The following HLA-DRB5 variants were observed in gnomAD, a reference collection of about 807,000 sequenced individuals.
The protein encoded by HLA-DRB5 is DR beta-5.
In HLA-DRB5, 11 loss-of-function variants were observed where a neutral mutation model predicts 22.4. The ratio of observed to expected loss-of-function variants is 0.49; its 90% confidence interval spans 0.31 to 0.81. HLA-DRB5 has a LOEUF of 0.81. Ranked by LOEUF, HLA-DRB5 falls within the 40% of genes least tolerant of loss-of-function variation. HLA-DRB5 has a pLI of 0.05. For missense variants in HLA-DRB5, 106 were observed against 274.4 expected (o/e 0.39, Z 4.34); for synonymous variants, 57 against 106.0 (o/e 0.54, Z 2.84).
At chr6:32,524,793 C>G (rs113974887) in intron 1 of HLA-DRB5, among the ~76,000 whole-genome samples, 32 of 64,416 alleles carry the variant, frequency 5.0e-4, no homozygotes, top group African/African-American at 6.2e-4. Context: ...CTCATGTGTC[C>G]CACTTAGGGT....
chr6:32,523,770 ACC>A (rs1175498466), intron 1 of HLA-DRB5, among the ~76,000 whole-genome samples: 6,440 of 50,814 alleles, frequency 0.13, 34 homozygotes, highest in African/African-American at 0.16. Flanking sequence ...GCAAAAATAA[ACC>A]ATAAAGAACT....
At chr6:32,528,079 GC>G (rs1769823617) in intron 1 of HLA-DRB5, among the ~76,000 whole-genome samples, 1 of 33,820 alleles carries the variant, frequency 3.0e-5, no homozygotes, top group African/African-American at 1.1e-4. Context: ...CCACACCAGG[GC>G]TTCCCCCCCA....
intron 2 of HLA-DRB5, among the ~76,000 whole-genome samples, chr6:32,520,078 G>A (rs367983934): frequency 0.017 from 624 of 36,870 alleles, 130 homozygotes; most frequent in South Asian, 0.022. Context: ...TTACCTCTTG[G>A]GGTTATATGA....
intron 2 of HLA-DRB5, among the ~76,000 whole-genome samples, chr6:32,519,864 T>C (rs560706382): frequency 0.061 from 5,217 of 85,642 alleles, 13 homozygotes; most frequent in Admixed American, 0.098. Context: ...TTGTGTTTGT[T>C]TCTTCATCAC....
intron 1 of HLA-DRB5, among the ~76,000 whole-genome samples, chr6:32,524,369 G>A (rs78135308): frequency 0.77 from 80,702 of 104,394 alleles, 34,829 homozygotes; most frequent in Middle Eastern, 0.85. Context: ...ATCTGTAGTA[G>A]TGAATCACAA....
At chr6:32,519,896 A>C (rs565139465) in intron 2 of HLA-DRB5, among the ~76,000 whole-genome samples, 1 of 97,802 alleles carries the variant, frequency 1.0e-5, no homozygotes, top group Non-Finnish European at 2.2e-5. Flanking sequence ...ATGCATTGTC[A>C]AAGTGTTTAC....
At chr6:32,528,340 A>T in intron 1 of HLA-DRB5, among the ~76,000 whole-genome samples, 3 of 13,832 alleles carry the variant, frequency 2.2e-4, no homozygotes, top group South Asian at 1.2e-3. Context: ...TAACCTTGAG[A>T]GTCGGGACCC....
intron 4 of HLA-DRB5, among the ~76,000 whole-genome samples, 181 bp from the exon 5 acceptor site, chr6:32,518,258 C>T (rs1347139694): frequency 0.011 from 592 of 54,100 alleles, no homozygotes; most frequent in East Asian, 0.015. Flanking sequence ...ATGTCTGTCA[C>T]AGGATCCAGT....
chr6:32,519,962 C>A (rs11966146), intron 2 of HLA-DRB5, among the ~76,000 whole-genome samples: 6,778 of 58,628 alleles, frequency 0.12, 843 homozygotes, highest in Non-Finnish European at 0.13. Context: ...GCCAGGTTGC[C>A]TGGCTCAAAT....
At chr6:32,518,881 T>G (rs1768441298) in intron 3 of HLA-DRB5, among the ~76,000 whole-genome samples, 1 of 53,960 alleles carries the variant, frequency 1.9e-5, no homozygotes. Context: ...AGCCCTGATG[T>G]AAGGCACGGC....
intron 1 of HLA-DRB5, among the ~76,000 whole-genome samples, chr6:32,523,091 C>T (rs551839031): frequency 0.7 from 48,350 of 68,700 alleles, 19,484 homozygotes; most frequent in Middle Eastern, 0.88. Flanking sequence ...GTGTTAGGAT[C>T]TGAGATTTAT....
At chr6:32,523,846 A>C (rs73407203) in intron 1 of HLA-DRB5, among the ~76,000 whole-genome samples, 33,417 of 70,808 alleles carry the variant, frequency 0.47, 9,227 homozygotes, top group East Asian at 0.48. Flanking sequence ...ACAGTGTGAA[A>C]CAGTGCTCTC....
intron 1 of HLA-DRB5, among the ~76,000 whole-genome samples, chr6:32,525,988 C>T (rs143866872): frequency 0.41 from 9,028 of 21,984 alleles, 3,151 homozygotes; most frequent in Middle Eastern, 0.5. Context: ...TAATAATGAC[C>T]GAGCATCTCT....
rs1768860287 is a variant in HLA-DRB5 at position 32,521,490 on chromosome 6, A to C, written c.370+415T>G. 2.4e-5 allele frequency among the ~76,000 whole-genome samples: 3 copies of C among 123,826 alleles called. 1 individual carries two copies. The highest frequency in any genetic ancestry group is 8.9e-5 in the African/African-American group (3 of 33,538). The allele number at this position is 123,826 out of a possible 152,430, so 81.2% of individuals were successfully genotyped here. ...CCTCATATTATCACAAATCTTCCACACCCCTCAGCTCTCCTCCCCTAAACC... is the reference window on the plus strand; with the variant it reads ...CCTCATATTATCACAAATCTTCCACCCCCCTCAGCTCTCCTCCCCTAAACC... On this transcript the variant is annotated intron_variant, in intron 2 of 5. Coordinates refer to ENST00000374975, the MANE Select transcript of HLA-DRB5 (RefSeq NM_002125.4).
intron 1 of HLA-DRB5, among the ~76,000 whole-genome samples, chr6:32,525,896 A>ACTAGC (rs1769553176): frequency 1.6e-5 from 1 of 63,088 alleles, no homozygotes. Flanking sequence ...ACTAATAAAT[A>ACTAGC]TGGGCTGTGT....
chr6:32,522,118 C>A lies in HLA-DRB5; in HGVS notation c.157G>T (p.Val53Leu). ...ECHFFNGTER[V>L]RFLHRDIYNQ... ...TAGATGTCTCTGTGCAGGAACCGCA[C>A]CCGCTCCGTCCCGTTGAAGAAATGA... Residue 53 changes from valine (V) to leucine (L), a missense_variant, in exon 2 of 6, where the codon GTG becomes TTG. Transcript: ENST00000374975. 6.9e-6 allele frequency: 7 copies of A among 1,019,998 alleles called. 1 individual carries two copies. Among genetic ancestry groups the A allele is most frequent in the Non-Finnish European group, 1.0e-5 (7 of 697,086 alleles). The allele number at this position is 1,019,998 out of a possible 1,614,324, so 63.2% of individuals were successfully genotyped here.
chr6:32,521,498 G>C (rs796094760), intron 2 of HLA-DRB5, among the ~76,000 whole-genome samples: 642 of 107,708 alleles, frequency 6.0e-3, no homozygotes, highest in Middle Eastern at 8.7e-3. Flanking sequence ...ACACCCCTCA[G>C]CTCTCCTCCC....
intron 1 of HLA-DRB5, among the ~76,000 whole-genome samples, chr6:32,522,427 A>G (rs144341703): frequency 0.045 from 1,389 of 31,180 alleles, 552 homozygotes; most frequent in East Asian, 0.22. Flanking sequence ...CCTCCAGCCT[A>G]TTCTGGAGAC....
rs1490585008 is a variant in HLA-DRB5, at chr6:32,529,468, C to T, written c.100+657G>A. On this transcript the variant is annotated intron_variant, in intron 1 of 5. Transcript: ENST00000374975. ...GTCCTTTAGGCACCAAAGAATACCT[C>T]ATAGATGCCCTTTAACTGTAGGGTG... 5.7e-5 allele frequency among the ~76,000 whole-genome samples: 4 copies of T among 70,716 alleles called. 1 individual carries two copies. The highest frequency in any genetic ancestry group is 1.1e-4 in the Non-Finnish European group (4 of 36,004). The allele number at this position is 70,716 out of a possible 152,430, so 46.4% of individuals were successfully genotyped here. A position where few individuals can be genotyped will look rare whatever the true frequency, so the allele number is the denominator to read the frequency against.
Sources: gnomAD v4.1 joint callset for allele counts (sites outside exome capture counted in the v4.1 genomes callset) on GRCh38, gnomAD v4.1.1 for gene constraint, MANE v1.5 for transcripts, NCBI Gene and HGNC (gene_info 2026-07-23, HGNC 2026-07-21) for gene names.